SMYD3: variants seen among roughly 807,000 people sequenced by gnomAD.
The protein encoded by SMYD3 is histone-lysine N-methyltransferase SMYD3.
Under a neutral mutation model 57.7 loss-of-function variants are expected in SMYD3, and 36 were observed. That is an observed-to-expected ratio of 0.62 (90% CI 0.48 to 0.82). The LOEUF (loss-of-function observed/expected upper bound fraction) is 0.82. Ranked by LOEUF, SMYD3 falls within the 40% of genes least tolerant of loss-of-function variation. The probability of loss-of-function intolerance (pLI) is 0.00; values close to 1 mark genes in which losing one functional copy is unlikely to be tolerated. For missense variants in SMYD3, 515 were observed against 538.8 expected (o/e 0.96, Z 0.44); for synonymous variants, 211 against 195.0 (o/e 1.08, Z -0.68).
intron 10 of SMYD3, among the ~76,000 whole-genome samples, chr1:245,829,956 T>TG: frequency 6.6e-6 from 1 of 151,784 alleles, no homozygotes; most frequent in Non-Finnish European, 1.5e-5. Flanking sequence ...ATCTAGGGAC[T>TG]GGGGGGCTGG....
At chr1:246,127,921 G>GAA (rs2061532994) in intron 5 of SMYD3, among the ~76,000 whole-genome samples, 1 of 151,242 alleles carries the variant, frequency 6.6e-6, no homozygotes, top group Non-Finnish European at 1.5e-5. Context: ...GAAAAGAAAA[G>GAA]AAAAATACGA....
chr1:245,894,837 A>G (rs1352961737), intron 8 of SMYD3, among the ~76,000 whole-genome samples: 1 of 152,194 alleles, frequency 6.6e-6, no homozygotes, highest in African/African-American at 2.4e-5. Flanking sequence ...GATGGTAGAA[A>G]AGAATGTGTG....
intron 5 of SMYD3, among the ~76,000 whole-genome samples, chr1:246,124,350 A>G (rs529823156): frequency 1.3e-5 from 2 of 152,038 alleles, no homozygotes; most frequent in Non-Finnish European, 2.9e-5. Context: ...TGAATAAAAA[A>G]AGAAAGAAAG....
chr1:246,205,853 C>A (rs1315047153), intron 5 of SMYD3, among the ~76,000 whole-genome samples: 3 of 152,082 alleles, frequency 2.0e-5, no homozygotes, highest in Admixed American at 6.5e-5. Flanking sequence ...CAAGAGCAAA[C>A]TTCCCAGTTC....
intron 1 of SMYD3, among the ~76,000 whole-genome samples, chr1:246,406,228 T>C (rs2066864758): frequency 1.3e-5 from 2 of 152,082 alleles, no homozygotes; most frequent in South Asian, 2.1e-4. Flanking sequence ...CCAGCCAAAA[T>C]GGGGATACTA....
At chr1:246,257,694 A>C (rs1163803467) in intron 5 of SMYD3, among the ~76,000 whole-genome samples, 1 of 152,194 alleles carries the variant, frequency 6.6e-6, no homozygotes, top group Non-Finnish European at 1.5e-5. Flanking sequence ...AGTTTCTATT[A>C]TGCGGTTGCT....
chr1:246,006,130 A>G (rs558532004), intron 5 of SMYD3, among the ~76,000 whole-genome samples: 4 of 152,190 alleles, frequency 2.6e-5, no homozygotes, highest in Non-Finnish European at 5.9e-5. Context: ...TTTGTGTTGA[A>G]AGCACAACCA....
At chr1:245,994,396 G>C (rs10802310) in intron 5 of SMYD3, among the ~76,000 whole-genome samples, 76,902 of 152,106 alleles carry the variant, frequency 0.51, 23,303 homozygotes, top group Middle Eastern at 0.69. Flanking sequence ...TTTAGGTAAA[G>C]GACACACGAT....
intron 10 of SMYD3, among the ~76,000 whole-genome samples, chr1:245,781,945 G>A (rs1049238388): frequency 6.6e-6 from 1 of 151,742 alleles, no homozygotes; most frequent in African/African-American, 2.4e-5. Context: ...CTCTGGCCTG[G>A]ATGACAGAGT....
At chr1:246,370,954 T>A (rs2066182839) in intron 1 of SMYD3, among the ~76,000 whole-genome samples, 1 of 152,216 alleles carries the variant, frequency 6.6e-6, no homozygotes, top group Non-Finnish European at 1.5e-5. Flanking sequence ...TTCAAAGTGG[T>A]CTAATTCAAG....
intron 5 of SMYD3, among the ~76,000 whole-genome samples, chr1:246,209,108 T>G (rs915613436): frequency 2.0e-5 from 3 of 152,192 alleles, no homozygotes; most frequent in African/African-American, 7.2e-5. Context: ...ACTGCCAACA[T>G]TTTAAGCCTC....
chr1:245,972,332 G>T (rs2058321577), intron 5 of SMYD3, among the ~76,000 whole-genome samples: 2 of 152,098 alleles, frequency 1.3e-5, no homozygotes, highest in Non-Finnish European at 2.9e-5. Flanking sequence ...ACTCCACATG[G>T]CTCTATGACA....
chr1:245,894,831 G>A (rs2053652772), intron 8 of SMYD3, among the ~76,000 whole-genome samples: 1 of 152,142 alleles, frequency 6.6e-6, no homozygotes. Flanking sequence ...CCCAAAGATG[G>A]TAGAAAAGAA....
chr1:246,507,239 C>G lies in SMYD3; in HGVS notation c.-22G>C. 6.7e-7 allele frequency: 1 copy of G among 1,493,100 alleles called. No homozygotes were observed. The highest frequency in any genetic ancestry group is 9.0e-7 in the Non-Finnish European group (1 of 1,116,428). 92.5% of individuals were successfully genotyped at this position (1,493,100 alleles called of 1,614,324 possible). A position where few individuals can be genotyped will look rare whatever the true frequency, so the allele number is the denominator to read the frequency against. On this transcript the variant is annotated 5_prime_UTR_variant, in exon 1 of 12. Transcript: ENST00000490107. Reference sequence around the variant, plus strand: ...CCATCCTCCCGCAGCTCCGGCACCTCAGACGGCTACCCGCGTCCAGCAGCG... The same window carrying G: ...CCATCCTCCCGCAGCTCCGGCACCTGAGACGGCTACCCGCGTCCAGCAGCG...
chr1:246,205,565 G>C (rs1279399487), intron 5 of SMYD3, among the ~76,000 whole-genome samples: 2 of 152,158 alleles, frequency 1.3e-5, no homozygotes, highest in African/African-American at 4.8e-5. Flanking sequence ...CTCACGCCTG[G>C]AATCCCAGCA....
At chr1:245,847,084 GCT>G (rs1389661385) in intron 10 of SMYD3, among the ~76,000 whole-genome samples, 5 of 152,174 alleles carry the variant, frequency 3.3e-5, no homozygotes, top group Non-Finnish European at 7.3e-5. Flanking sequence ...CCAGAACCTG[GCT>G]GGGCCATTTC....
chr1:246,410,795 G>A (rs1353564139), intron 1 of SMYD3, among the ~76,000 whole-genome samples: 1 of 152,018 alleles, frequency 6.6e-6, no homozygotes, highest in African/African-American at 2.4e-5. Flanking sequence ...GAATCCATCT[G>A]GTCCTGGACT....
At chr1:246,017,496 T>C (rs2059397878) in intron 5 of SMYD3, among the ~76,000 whole-genome samples, 1 of 152,194 alleles carries the variant, frequency 6.6e-6, no homozygotes, top group Non-Finnish European at 1.5e-5. Context: ...AGTTATTTTG[T>C]TGTATAATGC....
chr1:246,479,351 C>T (rs1036231837), intron 1 of SMYD3, among the ~76,000 whole-genome samples: 3 of 152,142 alleles, frequency 2.0e-5, no homozygotes, highest in African/African-American at 4.8e-5. Flanking sequence ...ACTTTAACTG[C>T]CAAATGAGTA....
Sources: allele counts gnomAD v4.1 joint callset (sites outside exome capture counted in the v4.1 genomes callset), GRCh38; gene constraint gnomAD v4.1.1; transcripts MANE v1.5; gene names NCBI Gene and HGNC (gene_info 2026-07-23, HGNC 2026-07-21).